OLFM3: variants seen among roughly 807,000 people sequenced by gnomAD.
OLFM3 encodes olfactomedin 3.
Under a neutral mutation model 48.6 loss-of-function variants are expected in OLFM3, and 20 were observed. The ratio of observed to expected loss-of-function variants is 0.41; its 90% CI spans 0.29 to 0.60. OLFM3 has a LOEUF of 0.60. Among genes scored for constraint, OLFM3 ranks in the 20% least tolerant of loss-of-function variants. The pLI is 0.28. For synonymous variants in OLFM3, 222 were observed against 198.1 expected (o/e 1.12, Z -1.01); for missense variants, 437 against 544.3 (o/e 0.80, Z 1.96).
chr1:101,965,634 G>C (rs1037201309), intron 1 of OLFM3, among the ~76,000 whole-genome samples: 2 of 152,086 alleles, frequency 1.3e-5, no homozygotes, highest in Non-Finnish European at 2.9e-5. Flanking sequence ...GAAAAGCTAA[G>C]ATATTGTTCA....
At chr1:101,820,536 TAGAAA>T (rs1654562022) in intron 4 of OLFM3, among the ~76,000 whole-genome samples, 1 of 152,060 alleles carries the variant, frequency 6.6e-6, no homozygotes, top group Non-Finnish European at 1.5e-5. Flanking sequence ...ATTAAGAACT[TAGAAA>T]AGGACATTAC....
chr1:101,977,223 A>G (rs1019223924), intron 1 of OLFM3, among the ~76,000 whole-genome samples: 43 of 152,158 alleles, frequency 2.8e-4, no homozygotes, highest in African/African-American at 1.0e-3. Flanking sequence ...CATTCAAAAC[A>G]TTTTCCCCAT....
chr1:101,949,956 A>T (rs2101069637), intron 1 of OLFM3, among the ~76,000 whole-genome samples: 3 of 128,004 alleles, frequency 2.3e-5, no homozygotes, highest in South Asian at 2.8e-4. Flanking sequence ...AAAGCCTCTG[A>T]TGCGGAGTTT....
intron 4 of OLFM3, among the ~76,000 whole-genome samples, chr1:101,816,484 G>A (rs1654343631): frequency 6.6e-6 from 1 of 152,116 alleles, no homozygotes; most frequent in African/African-American, 2.4e-5. Context: ...TAATTTTTGT[G>A]TGTGAGTGTC....
intron 1 of OLFM3, among the ~76,000 whole-genome samples, chr1:101,978,189 G>A (rs1298962069): frequency 6.6e-6 from 1 of 152,126 alleles, no homozygotes; most frequent in African/African-American, 2.4e-5. Flanking sequence ...GTATTATGGA[G>A]AAATGTGTGA....
intron 1 of OLFM3, among the ~76,000 whole-genome samples, chr1:101,923,408 C>A (rs539871759): frequency 1.2e-4 from 19 of 152,242 alleles, no homozygotes; most frequent in Admixed American, 4.6e-4. Context: ...CATTTTTGCA[C>A]TAAATTCTAC....
At chr1:101,922,794 T>C (rs562711737) in intron 1 of OLFM3, among the ~76,000 whole-genome samples, 4 of 152,220 alleles carry the variant, frequency 2.6e-5, no homozygotes, top group Non-Finnish European at 5.9e-5. Context: ...TGCCTATGAA[T>C]ATGTAAACTT....
In OLFM3 at chr1:101,978,788, C is replaced by T. The variant is rs188789947; in HGVS notation, c.69+17960G>A. Among the ~76,000 whole-genome samples the T allele has an allele frequency of 3.3e-5, 5 of 152,204 alleles. No individual in the cohort carries two copies. In the East Asian group the frequency reaches 9.7e-4, roughly 29 times the overall value. ...CGCTCCTTTCATTCTATTATATCAT[C>T]CCATAGCAAGGGAAATGGGAAGAAT... On this transcript the variant is annotated intron_variant, in intron 1 of 5. Coordinates refer to ENST00000370103, the MANE Select transcript of OLFM3 (RefSeq NM_058170.4).
At chr1:101,869,669 A>C (rs1656998379) in intron 1 of OLFM3, among the ~76,000 whole-genome samples, 1 of 152,142 alleles carries the variant, frequency 6.6e-6, no homozygotes, top group Non-Finnish European at 1.5e-5. Flanking sequence ...CCCAAATCTC[A>C]CCTTGAATTG....
At chr1:101,995,990 T>C (rs568314898) in intron 1 of OLFM3, among the ~76,000 whole-genome samples, 93 of 152,348 alleles carry the variant, frequency 6.1e-4, no homozygotes, top group Admixed American at 1.4e-3. Context: ...TTTTCCTGTC[T>C]TTTTATCAAA....
At chr1:101,846,503 A>G (rs1655999592) in intron 1 of OLFM3, among the ~76,000 whole-genome samples, 1 of 152,034 alleles carries the variant, frequency 6.6e-6, no homozygotes, top group Non-Finnish European at 1.5e-5. Context: ...GAAGATTTTT[A>G]CAGATATTAA....
chr1:101,816,969 T>C (rs1438290079), intron 4 of OLFM3, among the ~76,000 whole-genome samples: 1 of 152,156 alleles, frequency 6.6e-6, no homozygotes, highest in South Asian at 2.1e-4. Flanking sequence ...AAAATTAAAG[T>C]TACAGGAATG....
In OLFM3 at chr1:101,869,426, G is replaced by A. The variant is rs147038887; in HGVS notation, c.70-32401C>T. On this transcript the variant is annotated intron_variant, in intron 1 of 5. Transcript: ENST00000370103. Reference sequence around the variant, plus strand: ...GAATGAGAGTATTTACCCAATGCCTGTACCTCCATTTTATCTAGGAAGTAA... The same window carrying A: ...GAATGAGAGTATTTACCCAATGCCTATACCTCCATTTTATCTAGGAAGTAA... Among the ~76,000 whole-genome samples, 4 of 152,264 alleles carry A rather than the reference G, an allele frequency of 2.6e-5. No homozygotes were observed. In the East Asian group the frequency reaches 7.7e-4, roughly 29 times the overall value.
At position 101,903,167 on chromosome 1, in the gene OLFM3, T is replaced by C. The variant is rs1658445476; in HGVS notation, c.70-66142A>G. On this transcript the variant is annotated intron_variant, in intron 1 of 5. Transcript: ENST00000370103. ...AAATTTCAAGGTGAGAGTTGTCATA[T>C]GTTTTAAATGACTGACACTGGAGTC... Among the ~76,000 whole-genome samples, 3 of 152,208 alleles carry C rather than the reference T, an allele frequency of 2.0e-5. No homozygotes were observed. In the South Asian group the frequency reaches 6.2e-4, roughly 32 times the overall value.
intron 1 of OLFM3, among the ~76,000 whole-genome samples, chr1:101,878,222 T>C (rs1657379323): frequency 6.6e-6 from 1 of 151,866 alleles, no homozygotes. Context: ...ATTAAAGGGA[T>C]GGTGGTTAGA....
intron 3 of OLFM3, among the ~76,000 whole-genome samples, chr1:101,827,549 A>C (rs1369760579): frequency 6.6e-6 from 1 of 151,994 alleles, no homozygotes; most frequent in Non-Finnish European, 1.5e-5. Flanking sequence ...TTCAATATTG[A>C]ATTTACTTTG....
chr1:101,845,521 T>A (rs1213434153), intron 1 of OLFM3, among the ~76,000 whole-genome samples: 1 of 152,186 alleles, frequency 6.6e-6, no homozygotes, highest in Admixed American at 6.5e-5. Context: ...AATTCAACAA[T>A]GATGTTGTTG....
intron 1 of OLFM3, among the ~76,000 whole-genome samples, chr1:101,957,707 G>A (rs1346151098): frequency 9.2e-5 from 14 of 152,020 alleles, no homozygotes; most frequent in African/African-American, 2.2e-4. Context: ...TCTCTGGGAA[G>A]AGGCTGAATA....
chr1:101,847,254 G>C (rs924695994), intron 1 of OLFM3, among the ~76,000 whole-genome samples: 6 of 152,076 alleles, frequency 3.9e-5, no homozygotes, highest in African/African-American at 1.4e-4. Context: ...GTTGGAGGGA[G>C]GCGGAAACTT....
Sources: allele counts gnomAD v4.1 joint callset (sites outside exome capture counted in the v4.1 genomes callset), GRCh38; gene constraint gnomAD v4.1.1; transcripts MANE v1.5; gene names NCBI Gene and HGNC (gene_info 2026-07-23, HGNC 2026-07-21).